Variants in CFAP74 observed in about 807,000 individuals in gnomAD.
CFAP74 encodes the protein cilia- and flagella-associated protein 74.
In CFAP74, 124 loss-of-function variants were observed where a neutral mutation model predicts 188.9. The observed-to-expected ratio is 0.66, with a 90% confidence interval of 0.57 to 0.76. CFAP74 has a LOEUF of 0.76. CFAP74 is among the 30% of genes least tolerant of loss of function. The pLI is 0.00. For synonymous variants in CFAP74, 956 were observed against 916.7 expected (o/e 1.04, Z -0.77); for missense variants, 2,198 against 2,165.2 (o/e 1.02, Z -0.30).
In CFAP74 at chr1:1,975,738, T is replaced by A. The variant is rs1444280598; in HGVS notation, c.501-1540A>T. On this transcript the variant is annotated intron_variant, in intron 6 of 38. Coordinates refer to ENST00000682832, the MANE Select transcript of CFAP74 (RefSeq NM_001304360.2). The surrounding 1 kb of genome is among the most constrained non-coding windows in gnomAD (Gnocchi z 4.5). ...TTCTATTCCTCCCTCGCGTGACTCA[T>A]GAAATTCTTTAATCTGAGGATTCAT... Among the ~76,000 whole-genome samples the A allele has an allele frequency of 1.3e-5, 2 of 152,090 alleles. No individual in the cohort carries two copies. The highest frequency in any genetic ancestry group is 2.9e-5 in the Non-Finnish European group (2 of 68,008).
intron 18 of CFAP74, among the ~76,000 whole-genome samples, chr1:1,950,054 C>T (rs1184217555): frequency 6.6e-6 from 1 of 152,182 alleles, no homozygotes; most frequent in East Asian, 1.9e-4. Flanking sequence ...TGGTGGGTGT[C>T]TGGCTTTGCT....
chr1:1,929,952 C>T (rs772424411), intron 26 of CFAP74, 108 bp downstream of exon 26: 41 of 1,259,620 alleles, frequency 3.3e-5, no homozygotes, highest in East Asian at 5.1e-5. Flanking sequence ...CCCTGTTCTC[C>T]GGGTTGAAAC....
At chr1:1,974,257 T>G in intron 6 of CFAP74, 59 bp from the exon 7 acceptor site, 1 of 1,495,410 alleles carries the variant, frequency 6.7e-7, no homozygotes. Flanking sequence ...GGGGTGGGGG[T>G]TTCGGCATTG....
rs561261854 is a variant in CFAP74 at position 1,938,798 on chromosome 1, G to C, written c.3011+57C>G. 234 of 1,514,468 alleles carry C rather than the reference G, an allele frequency of 1.5e-4. No homozygotes were observed. In the East Asian group the frequency reaches 4.6e-3, roughly 30 times the overall value. 93.8% of individuals were successfully genotyped at this position (1,514,468 alleles called of 1,614,324 possible). On this transcript the variant is annotated intron_variant, in intron 25 of 38. Coordinates refer to ENST00000682832, the MANE Select transcript of CFAP74 (RefSeq NM_001304360.2). ...GGATGTGGTGGAGCTGGGAAGGGGGGCCCCTCCTGAGCGGGCACTCCAGGC... is the reference window on the plus strand; with the variant it reads ...GGATGTGGTGGAGCTGGGAAGGGGGCCCCCTCCTGAGCGGGCACTCCAGGC...
chr1:1,992,110 C>T (rs1393885216), intron 1 of CFAP74, among the ~76,000 whole-genome samples: 1 of 151,866 alleles, frequency 6.6e-6, no homozygotes, highest in Admixed American at 6.6e-5. Context: ...GAAGGGCTGG[C>T]ATCGTCACGC....
chr1:1,985,727 T>C (rs1201020346), intron 5 of CFAP74, among the ~76,000 whole-genome samples: 1 of 152,218 alleles, frequency 6.6e-6, no homozygotes, highest in Non-Finnish European at 1.5e-5. Context: ...GAGCCTGCCC[T>C]GGACCCTCAG....
chr1:1,946,416 G>C lies in CFAP74; in HGVS notation c.2265C>G (p.Pro755=). ...LGEVTEGEIG[P]FSSIKVPIVF... ...CGATGGGCACCTTGATGGAGCTGAA[G>C]GGGCCAATTTCCCCTTCTGTTACCT... Residue 755 remains proline, a synonymous_variant, in exon 20 of 39, where the codon CCC becomes CCG. Transcript: ENST00000682832. 6.5e-7 allele frequency: 1 copy of C among 1,536,848 alleles called. No individual in the cohort carries two copies. The highest frequency in any genetic ancestry group is 8.7e-7 in the Non-Finnish European group (1 of 1,146,668).
chr1:1,936,273 C>T (rs978646242), intron 25 of CFAP74, among the ~76,000 whole-genome samples: 1 of 147,170 alleles, frequency 6.8e-6, no homozygotes, highest in Non-Finnish European at 1.5e-5. Context: ...CGGCCGGGTG[C>T]GGTGGCTCAC....
At chr1:1,991,110 TC>T (rs1167439500) in intron 1 of CFAP74, 135 bp from the exon 2 acceptor site, 7 of 606,354 alleles carry the variant, frequency 1.2e-5, no homozygotes, top group Non-Finnish European at 2.0e-5. Context: ...CACACACATA[TC>T]TGACACAAGT....
intron 25 of CFAP74, among the ~76,000 whole-genome samples, chr1:1,932,226 C>T (rs1049708058): frequency 3.4e-4 from 52 of 151,672 alleles, no homozygotes; most frequent in African/African-American, 1.1e-3. Flanking sequence ...GAAACCCCGT[C>T]TCTACTAAAA....
rs1392920436 is a variant in CFAP74 at position 1,975,858 on chromosome 1, C to A, written c.501-1660G>T. Among the ~76,000 whole-genome samples the A allele has an allele frequency of 6.6e-6, 1 of 152,224 alleles. No individual in the cohort carries two copies. The highest frequency in any genetic ancestry group is 6.5e-5 in the Admixed American group (1 of 15,280). The stretch of plus-strand genomic sequence containing the variant: ...GTGCTCCAGTGGCCGTGGGAGCTAA[C>A]AGCCTGCAGGGTCTCTTAGTAAAGA... On this transcript the variant is annotated intron_variant, in intron 6 of 38. Transcript: ENST00000682832. This position sits in a 1 kb window ranked among gnomAD's most constrained non-coding sequence, Gnocchi z 4.5.
chr1:1,982,132 C>A lies in CFAP74; in HGVS notation c.500+3254G>T, dbSNP rs527277722. On this transcript the variant is annotated intron_variant, in intron 6 of 38. Coordinates refer to ENST00000682832, the MANE Select transcript of CFAP74 (RefSeq NM_001304360.2). The stretch of plus-strand genomic sequence containing the variant: ...GACAGACACGGTGACACACAGGACA[C>A]CCAGCCACGGACAGACACGGGGACA... Among the ~76,000 whole-genome samples the A allele has an allele frequency of 2.3e-4, 34 of 148,258 alleles. 1 individual carries two copies. In the East Asian group the frequency reaches 6.6e-3, roughly 29 times the overall value.
intron 1 of CFAP74, among the ~76,000 whole-genome samples, chr1:1,992,666 G>C (rs1008449233): frequency 3.3e-5 from 5 of 150,966 alleles, no homozygotes; most frequent in Non-Finnish European, 5.9e-5. Flanking sequence ...ATTAGAGATG[G>C]GGTTTCACTG....
chr1:2,003,089 G>C (rs1034190823), intron 1 of CFAP74, among the ~76,000 whole-genome samples: 1 of 152,160 alleles, frequency 6.6e-6, no homozygotes, highest in Non-Finnish European at 1.5e-5. Context: ...GGGTGCTGAT[G>C]AGGTTCTATT....
intron 16 of CFAP74, among the ~76,000 whole-genome samples, chr1:1,957,687 T>A (rs1157622321): frequency 6.6e-6 from 1 of 151,960 alleles, no homozygotes; most frequent in Non-Finnish European, 1.5e-5. Flanking sequence ...ATGATGCTGA[T>A]CCGGAGTGGA....
At chr1:2,000,312 C>T (rs974801902) in intron 1 of CFAP74, among the ~76,000 whole-genome samples, 1 of 152,250 alleles carries the variant, frequency 6.6e-6, no homozygotes, top group Non-Finnish European at 1.5e-5. Context: ...TCAACAGGCA[C>T]TTCACAGTTA....
rs544286840 is a variant in CFAP74, at chr1:1,964,580, A to G, written c.1575+308T>C. Among the ~76,000 whole-genome samples the G allele has an allele frequency of 4.1e-3, 620 of 152,332 alleles. 4 individuals are homozygous for G. The highest frequency in any genetic ancestry group is 0.014 in the African/African-American group (572 of 41,580). ...TGAGGCGGGCAGATCGCCTGAGGTC[A>G]GGAGTTCGAGACCAGCCTGGCCTAC... is the stretch of plus-strand genomic sequence containing the variant. On this transcript the variant is annotated intron_variant, in intron 13 of 38. Transcript: ENST00000682832.
chr1:1,946,140 G>A (rs973323304), intron 20 of CFAP74, among the ~76,000 whole-genome samples, 177 bp downstream of exon 20: 1 of 152,260 alleles, frequency 6.6e-6, no homozygotes, highest in Non-Finnish European at 1.5e-5. Context: ...GCCAGTGTGC[G>A]TGTGTGCACA....
chr1:1,951,464 A>G (rs1436157487), intron 18 of CFAP74, among the ~76,000 whole-genome samples: 1 of 152,210 alleles, frequency 6.6e-6, no homozygotes, highest in African/African-American at 2.4e-5. Context: ...CCAGTTGACT[A>G]TAATTGTGTG....
Sources: allele counts gnomAD v4.1 joint callset (sites outside exome capture counted in the v4.1 genomes callset), GRCh38; gene constraint gnomAD v4.1.1; non-coding constraint Gnocchi (gnomAD v3.1); transcripts MANE v1.5; gene names NCBI Gene and HGNC (gene_info 2026-07-23, HGNC 2026-07-21).